TBC1D22A: variants seen among roughly 807,000 people sequenced by gnomAD.
TBC1D22A encodes putative GTPase activator.
A neutral mutation model predicts 60.2 loss-of-function variants in TBC1D22A; 38 were observed. That is an observed-to-expected ratio of 0.63 (90% CI 0.49 to 0.83). The LOEUF (loss-of-function observed/expected upper bound fraction) is 0.83, where lower values mean the gene tolerates loss of function less well. Ranked by LOEUF, TBC1D22A falls within the 40% of genes least tolerant of loss-of-function variation. The pLI is 0.00. For synonymous variants in TBC1D22A, 302 were observed against 281.7 expected (o/e 1.07, Z -0.72); for missense variants, 628 against 701.0 (o/e 0.90, Z 1.18).
intron 10 of TBC1D22A, among the ~76,000 whole-genome samples, chr22:47,013,566 A>G (rs1451697247): frequency 6.6e-6 from 1 of 152,196 alleles, no homozygotes; most frequent in African/African-American, 2.4e-5. Context: ...TCTCTTCTTC[A>G]TTTTAAGGAA....
chr22:47,038,237 A>G (rs1285447655), intron 11 of TBC1D22A, among the ~76,000 whole-genome samples: 5 of 152,220 alleles, frequency 3.3e-5, no homozygotes, highest in African/African-American at 1.2e-4. Flanking sequence ...GCACCTCAAG[A>G]GCCAGGCTTT....
At chr22:46,826,163 G>T (rs901124928) in intron 4 of TBC1D22A, among the ~76,000 whole-genome samples, 1 of 152,194 alleles carries the variant, frequency 6.6e-6, no homozygotes, top group Admixed American at 6.5e-5. Flanking sequence ...TTATAGGCGT[G>T]AGCCACCACA....
intron 8 of TBC1D22A, among the ~76,000 whole-genome samples, chr22:46,966,612 T>A (rs937117127): frequency 1.3e-5 from 2 of 152,230 alleles, no homozygotes; most frequent in African/African-American, 4.8e-5. Flanking sequence ...AGATTGGAAT[T>A]TTTGCTTTTT....
chr22:47,041,470 AGT>A (rs1724735465), intron 11 of TBC1D22A, among the ~76,000 whole-genome samples: 1 of 152,218 alleles, frequency 6.6e-6, no homozygotes, highest in Non-Finnish European at 1.5e-5. Context: ...GAGGGACTGG[AGT>A]GTGAGAATCT....
intron 11 of TBC1D22A, among the ~76,000 whole-genome samples, chr22:47,063,421 C>G (rs2063648490): frequency 6.6e-6 from 1 of 152,122 alleles, no homozygotes. Flanking sequence ...GGAAGGGAGG[C>G]CTCGTCTGGG....
At position 47,009,022 on chromosome 22, in the gene TBC1D22A, A is replaced by G. The variant is rs187549494; in HGVS notation, c.1201+11313A>G. Among the ~76,000 whole-genome samples, 9 of 152,098 alleles carry G rather than the reference A, an allele frequency of 5.9e-5. No individual in the cohort carries two copies. The highest frequency in any genetic ancestry group is 5.2e-4 in the Admixed American group (8 of 15,286). On this transcript the variant is annotated intron_variant, in intron 10 of 12. Coordinates refer to ENST00000337137, the MANE Select transcript of TBC1D22A (RefSeq NM_014346.5). This position sits in a 1 kb window ranked among gnomAD's most constrained non-coding sequence, Gnocchi z 5.8. Reference sequence around the variant, plus strand: ...GAACATTTCTGGCTTATTCTAATCTACTCTTCAGCTCTGTGGAGTAACAGC... The same window carrying G: ...GAACATTTCTGGCTTATTCTAATCTGCTCTTCAGCTCTGTGGAGTAACAGC...
intron 4 of TBC1D22A, among the ~76,000 whole-genome samples, chr22:46,850,871 G>A (rs2087242339): frequency 1.3e-5 from 2 of 152,182 alleles, no homozygotes; most frequent in South Asian, 2.1e-4. Context: ...TCATAAAAAG[G>A]AATAAATGGA....
At chr22:46,801,431 G>C (rs1423127151) in intron 4 of TBC1D22A, among the ~76,000 whole-genome samples, 1 of 152,222 alleles carries the variant, frequency 6.6e-6, no homozygotes, top group Non-Finnish European at 1.5e-5. Flanking sequence ...GCGGAGTGCT[G>C]TTTTTCTTTG....
chr22:46,796,780 G>A (rs1569046925), intron 3 of TBC1D22A, among the ~76,000 whole-genome samples: 2 of 152,154 alleles, frequency 1.3e-5, no homozygotes, highest in African/African-American at 2.4e-5. Flanking sequence ...GTGCCACTGC[G>A]GTCACTGCCT....
chr22:47,046,318 C>T (rs1049950590), intron 11 of TBC1D22A, among the ~76,000 whole-genome samples: 18 of 152,170 alleles, frequency 1.2e-4, no homozygotes, highest in Middle Eastern at 3.2e-3. Context: ...GCTTTGCCCT[C>T]GTGGGGGCAT....
chr22:47,077,309 G>T (rs1303562311), intron 11 of TBC1D22A, among the ~76,000 whole-genome samples: 2 of 152,174 alleles, frequency 1.3e-5, no homozygotes, highest in African/African-American at 2.4e-5. Context: ...GGTGAGTGTG[G>T]ACTCTTTCTG....
chr22:46,884,936 C>T (rs28429899), intron 5 of TBC1D22A, among the ~76,000 whole-genome samples: 1 of 152,098 alleles, frequency 6.6e-6, no homozygotes, highest in Non-Finnish European at 1.5e-5. Context: ...GGGCCAGGCC[C>T]GCAGGAGCCG....
chr22:46,909,045 C>T (rs931891832), intron 7 of TBC1D22A, among the ~76,000 whole-genome samples: 3 of 152,114 alleles, frequency 2.0e-5, no homozygotes, highest in African/African-American at 4.8e-5. Flanking sequence ...CTTGTTGTGC[C>T]GAGAGGACTT....
intron 12 of TBC1D22A, among the ~76,000 whole-genome samples, chr22:47,159,796 C>G (rs1377322416): frequency 6.6e-6 from 1 of 151,594 alleles, no homozygotes; most frequent in Non-Finnish European, 1.5e-5. Flanking sequence ...CCTACACATG[C>G]ACCACATACA....
At chr22:47,084,293 G>GCAGAA (rs2076410940) in intron 11 of TBC1D22A, among the ~76,000 whole-genome samples, 1 of 152,234 alleles carries the variant, frequency 6.6e-6, no homozygotes, top group Non-Finnish European at 1.5e-5. Context: ...TCCCATCATT[G>GCAGAA]CAGAATTCTT....
intron 8 of TBC1D22A, chr22:46,916,098 T>C: frequency 2.4e-6 from 1 of 413,272 alleles, no homozygotes; most frequent in Non-Finnish European, 4.3e-6. Flanking sequence ...TGACACTTTG[T>C]TTCCAGTTAT....
intron 12 of TBC1D22A, chr22:47,116,881 A>G (rs1378079930): frequency 6.6e-6 from 1 of 152,250 alleles, no homozygotes; most frequent in African/African-American, 2.4e-5. Flanking sequence ...TCATTCCTTC[A>G]TTGAATGCCC....
At chr22:47,142,339 C>G (rs1381987568) in intron 12 of TBC1D22A, among the ~76,000 whole-genome samples, 1 of 135,462 alleles carries the variant, frequency 7.4e-6, no homozygotes, top group Non-Finnish European at 1.6e-5. Flanking sequence ...ATTCAGCCAC[C>G]CACCCATCCA....
At chr22:46,780,082 A>T (rs1341912657) in intron 1 of TBC1D22A, among the ~76,000 whole-genome samples, 1 of 152,240 alleles carries the variant, frequency 6.6e-6, no homozygotes, top group African/African-American at 2.4e-5. Context: ...ACTTCTGAAT[A>T]TATTTTATAA....
Sources: allele counts gnomAD v4.1 joint callset (sites outside exome capture counted in the v4.1 genomes callset), GRCh38; gene constraint gnomAD v4.1.1; non-coding constraint Gnocchi (gnomAD v3.1); transcripts MANE v1.5; gene names NCBI Gene and HGNC (gene_info 2026-07-23, HGNC 2026-07-21).